The following VEGFC variants were observed in gnomAD, a reference collection of about 807,000 sequenced individuals.
VEGFC encodes the protein vascular endothelial growth factor C.
A neutral mutation model predicts 46.1 loss-of-function variants in VEGFC; 12 were observed. That is an observed-to-expected ratio of 0.26 (90% confidence interval 0.17 to 0.42). The LOEUF (loss-of-function observed/expected upper bound fraction) is 0.42, where lower values mean the gene tolerates loss of function less well. Among genes scored for constraint, VEGFC ranks in the 10% least tolerant of loss-of-function variants. The probability of loss-of-function intolerance (pLI) is 1.00; values close to 1 mark genes in which losing one functional copy is unlikely to be tolerated. For missense variants in VEGFC, 488 were observed against 529.4 expected, an observed-to-expected ratio of 0.92 and a Z score of 0.77; for synonymous variants, 232 against 195.5, an observed-to-expected ratio of 1.19 and a Z score of -1.56.
At chr4:176,781,128 T>C (rs1195276077) in intron 1 of VEGFC, among the ~76,000 whole-genome samples, 1 of 152,226 alleles carries the variant, frequency 6.6e-6, no homozygotes, top group African/African-American at 2.4e-5. Context: ...TTGTTAAGTG[T>C]GATGGTCATG....
intron 3 of VEGFC, among the ~76,000 whole-genome samples, chr4:176,718,887 T>G (rs932949893): frequency 3.3e-5 from 5 of 152,192 alleles, no homozygotes; most frequent in African/African-American, 7.2e-5. Flanking sequence ...ATTTACCCCC[T>G]GCAAAATTCA....
chr4:176,745,990 A>G (rs928717784), intron 1 of VEGFC, among the ~76,000 whole-genome samples: 6 of 152,120 alleles, frequency 3.9e-5, no homozygotes, highest in Non-Finnish European at 8.8e-5. Flanking sequence ...AATGTAAAGG[A>G]GTGAAGTCAA....
chr4:176,687,742 T>C, intron 5 of VEGFC, 79 bp downstream of exon 5: 2 of 1,089,626 alleles, frequency 1.8e-6, no homozygotes, highest in Non-Finnish European at 2.7e-6. Flanking sequence ...GAATATTATA[T>C]GTGTGGTTTT....
intron 1 of VEGFC, among the ~76,000 whole-genome samples, chr4:176,748,629 CA>C (rs1735294632): frequency 6.6e-6 from 1 of 151,928 alleles, no homozygotes; most frequent in Non-Finnish European, 1.5e-5. Context: ...GCACTTTTTA[CA>C]ATTAAGACTT....
intron 4 of VEGFC, chr4:176,689,444 T>C (rs1326318447): frequency 6.6e-6 from 1 of 152,196 alleles, no homozygotes; most frequent in African/African-American, 2.4e-5. Flanking sequence ...TTGAACATCA[T>C]TTCTGAAGAT....
In VEGFC at chr4:176,687,200, G is replaced by A; in HGVS notation, c.1132C>T (p.His378Tyr). The A allele has an allele frequency of 6.2e-7, 1 of 1,611,760 alleles. No individual in the cohort carries two copies. The highest frequency in any genetic ancestry group is 8.5e-7 in the Non-Finnish European group (1 of 1,179,144). ...KCLLKGKKFH[H>Y]QTCSCYRRPC... ...AGGATCTCTTACCTGCATGTTTGGT[G>A]GTGGAACTTCTTTCCTTTTAACAAG... The change falls in exon 6 of 7, where the codon CAC becomes TAC. Residue 378 changes from histidine (H) to tyrosine (Y), a missense_variant. Physicochemically the swap from His to Tyr is moderately conservative, Grantham distance 83. Coordinates refer to ENST00000618562, the MANE Select transcript of VEGFC (RefSeq NM_005429.5).
At chr4:176,777,220 G>C (rs962248270) in intron 1 of VEGFC, among the ~76,000 whole-genome samples, 8 of 152,192 alleles carry the variant, frequency 5.3e-5, no homozygotes, top group African/African-American at 1.9e-4. Context: ...AGGAGGCTGA[G>C]GCAGGACAAT....
intron 3 of VEGFC, among the ~76,000 whole-genome samples, chr4:176,720,476 T>C (rs1227953136): frequency 6.6e-6 from 1 of 152,194 alleles, no homozygotes; most frequent in African/African-American, 2.4e-5. Flanking sequence ...GTGTTTGCTA[T>C]GTGCCAACTA....
chr4:176,788,163 A>C (rs1736034332), intron 1 of VEGFC, among the ~76,000 whole-genome samples: 1 of 152,232 alleles, frequency 6.6e-6, no homozygotes, highest in African/African-American at 2.4e-5. Context: ...CACAACTTTG[A>C]AAAACCGTTT....
In VEGFC at chr4:176,792,391, G is replaced by T; in HGVS notation, c.-80C>A. ...CGCGGGCGCCCCTGCGAGGCCGCGG[G>T]CCCCTCCTGGTCCCTCTCCCCCGGG... On this transcript the variant is annotated 5_prime_UTR_variant, in exon 1 of 7. Transcript: ENST00000618562. This position sits in a 1 kb window ranked among gnomAD's most constrained non-coding sequence, Gnocchi z 6.3. 8.6e-7 allele frequency: 1 copy of T among 1,167,726 alleles called. No individual in the cohort carries two copies. Among genetic ancestry groups the T allele is most frequent in the Non-Finnish European group, 1.1e-6 (1 of 879,276 alleles). 72.3% of individuals were successfully genotyped at this position (1,167,726 alleles called of 1,614,324 possible).
intron 1 of VEGFC, among the ~76,000 whole-genome samples, chr4:176,741,751 A>G (rs998855078): frequency 6.6e-6 from 1 of 152,006 alleles, no homozygotes. Flanking sequence ...AAAGGAAAGG[A>G]AAGGTGAACT....
intron 1 of VEGFC, among the ~76,000 whole-genome samples, chr4:176,755,761 T>C (rs1735422516): frequency 6.6e-6 from 1 of 152,034 alleles, no homozygotes; most frequent in African/African-American, 2.4e-5. Flanking sequence ...ATTCAACCCA[T>C]ACGTTAATTT....
intron 1 of VEGFC, among the ~76,000 whole-genome samples, chr4:176,766,009 G>T (rs1735616490): frequency 1.3e-5 from 2 of 149,900 alleles, no homozygotes; most frequent in South Asian, 4.2e-4. Flanking sequence ...ACTATACACA[G>T]AAAAAAAAAG....
At chr4:176,725,611 T>C (rs894156896) in intron 3 of VEGFC, among the ~76,000 whole-genome samples, 4 of 152,244 alleles carry the variant, frequency 2.6e-5, no homozygotes, top group African/African-American at 9.6e-5. Flanking sequence ...CTTGGTTTAC[T>C]ATTTGATTTA....
Position 176,760,362 on chromosome 4 carries a change from T to C in VEGFC, c.148-30616A>G, listed in dbSNP as rs538689118. 9.2e-5 allele frequency among the ~76,000 whole-genome samples: 14 copies of C among 152,310 alleles called. No homozygotes were observed. In the South Asian group the frequency reaches 2.5e-3, roughly 27 times the overall value. ...AGGTTTCAATTAAGATATTAGGCAA[T>C]AGGCTTTTCCCTAATAGCTGCTCCC... On this transcript the variant is annotated intron_variant, in intron 1 of 6. Transcript: ENST00000618562.
chr4:176,725,722 T>A (rs750124233), intron 3 of VEGFC, among the ~76,000 whole-genome samples: 49 of 152,252 alleles, frequency 3.2e-4, no homozygotes, highest in Non-Finnish European at 6.2e-4. Context: ...AAATTGTATA[T>A]TTCAATTCCT....
chr4:176,759,276 T>C (rs1212068193), intron 1 of VEGFC, among the ~76,000 whole-genome samples: 1 of 152,042 alleles, frequency 6.6e-6, no homozygotes, highest in East Asian at 1.9e-4. Context: ...AAAAGGTACT[T>C]TGTTCAACCA....
intron 1 of VEGFC, among the ~76,000 whole-genome samples, chr4:176,754,679 C>T (rs929852293): frequency 4.6e-5 from 7 of 152,016 alleles, no homozygotes; most frequent in African/African-American, 1.4e-4. Context: ...AATTTAACCA[C>T]ACCTGCAAAA....
chr4:176,730,687 C>T lies in VEGFC; in HGVS notation c.148-941G>A, dbSNP rs368157339. ...TGCAGGTAACTGTCCCCCACCTCTC[C>T]ATGGTTTCTTGGGTGGATCAAGAAC... On this transcript the variant is annotated intron_variant, in intron 1 of 6. Transcript: ENST00000618562. Among the ~76,000 whole-genome samples the T allele has an allele frequency of 3.9e-5, 6 of 152,156 alleles. 1 individual carries two copies. Among genetic ancestry groups the T allele is most frequent in the African/African-American group, 1.4e-4 (6 of 41,532 alleles).
Sources: allele counts gnomAD v4.1 joint callset (sites outside exome capture counted in the v4.1 genomes callset), GRCh38; gene constraint gnomAD v4.1.1; non-coding constraint Gnocchi (gnomAD v3.1); transcripts MANE v1.5; gene names NCBI Gene and HGNC (gene_info 2026-07-23, HGNC 2026-07-21).